The following TANGO6 variants were observed in gnomAD, a reference collection of about 807,000 sequenced individuals.
TANGO6 encodes the protein transport and golgi organization 6 homolog, also known as transport and Golgi organization protein 6 homolog.
A neutral mutation model predicts 114.2 loss-of-function variants in TANGO6; 90 were observed. That is an observed-to-expected ratio of 0.79 (90% CI 0.66 to 0.94). The LOEUF (loss-of-function observed/expected upper bound fraction) is 0.94, where lower values mean the gene tolerates loss of function less well. Ranked by LOEUF, TANGO6 falls within the 40% of genes least tolerant of loss-of-function variation. The pLI is 0.00. For missense variants in TANGO6, 1,274 were observed against 1,315.3 expected (o/e 0.97, Z 0.49); for synonymous variants, 477 against 509.8 (o/e 0.94, Z 0.87).
chr16:69,024,872 G>A (rs1959472971), intron 16 of TANGO6, among the ~76,000 whole-genome samples: 1 of 151,902 alleles, frequency 6.6e-6, no homozygotes, highest in Non-Finnish European at 1.5e-5. Flanking sequence ...CGGTGGTGCA[G>A]TCTCGGCACA....
At chr16:68,934,530 G>A (rs142852355) in intron 14 of TANGO6, among the ~76,000 whole-genome samples, 38 of 152,304 alleles carry the variant, frequency 2.5e-4, no homozygotes, top group Middle Eastern at 3.4e-3. Flanking sequence ...GGTTTCAAGA[G>A]AGAAAGTAAT....
intron 16 of TANGO6, among the ~76,000 whole-genome samples, chr16:69,036,336 G>A (rs532539030): frequency 6.6e-6 from 1 of 152,284 alleles, no homozygotes; most frequent in East Asian, 1.9e-4. Context: ...TGCTTGACCT[G>A]AACTGAAGAC....
intron 17 of TANGO6, among the ~76,000 whole-genome samples, chr16:69,049,583 C>CA (rs1245204016): frequency 2.0e-5 from 3 of 151,240 alleles, no homozygotes; most frequent in Admixed American, 1.3e-4. Context: ...AGGCACTTGC[C>CA]ACCATGCCTG....
At position 68,927,645 on chromosome 16, in the gene TANGO6, G is replaced by A. The variant is rs754292950; in HGVS notation, c.2205G>A (p.Pro735=). ...AGGTATCCAACACATACCCTGATCCGGTCATCCAAGAACTCGCTGTTGATC... is the reference window on the plus strand; with the variant it reads ...AGGTATCCAACACATACCCTGATCCAGTCATCCAAGAACTCGCTGTTGATC... ...LEKVSNTYPD[P]VIQELAVDLR... The change falls in exon 13 of 18, where the codon CCG becomes CCA. Residue 735 remains proline (P), a synonymous_variant. Coordinates refer to ENST00000261778, the MANE Select transcript of TANGO6 (RefSeq NM_024562.2). 26 of 1,613,806 alleles carry A rather than the reference G, an allele frequency of 1.6e-5. No homozygotes were observed. Among genetic ancestry groups the A allele is most frequent in the East Asian group, 4.5e-5 (2 of 44,896 alleles).
intron 4 of TANGO6, among the ~76,000 whole-genome samples, chr16:68,870,827 T>A (rs1478328922): frequency 6.6e-6 from 1 of 151,972 alleles, no homozygotes. Flanking sequence ...AGACGGAATT[T>A]CGCTCTTGTT....
intron 13 of TANGO6, among the ~76,000 whole-genome samples, chr16:68,929,368 A>G (rs1963211728): frequency 6.6e-6 from 1 of 152,112 alleles, no homozygotes; most frequent in Non-Finnish European, 1.5e-5. Context: ...AATGTATCTT[A>G]TCCTCTTTAT....
At chr16:68,980,823 C>A (rs1171352438) in intron 15 of TANGO6, among the ~76,000 whole-genome samples, 2 of 152,056 alleles carry the variant, frequency 1.3e-5, no homozygotes, top group African/African-American at 4.8e-5. Flanking sequence ...CCGTGAAACC[C>A]CGTCTCTGCT....
chr16:69,033,433 G>A (rs1959631819), intron 16 of TANGO6, among the ~76,000 whole-genome samples: 2 of 152,184 alleles, frequency 1.3e-5, no homozygotes, highest in Non-Finnish European at 2.9e-5. Flanking sequence ...GGAAGTCTCA[G>A]TAACTTGTGT....
intron 15 of TANGO6, among the ~76,000 whole-genome samples, chr16:68,987,658 C>T (rs915903464): frequency 6.6e-6 from 1 of 152,240 alleles, no homozygotes; most frequent in Non-Finnish European, 1.5e-5. Flanking sequence ...GCATGAGCCA[C>T]TGCACCCAGC....
intron 17 of TANGO6, among the ~76,000 whole-genome samples, chr16:69,048,524 C>G (rs1230833625): frequency 1.3e-5 from 2 of 151,998 alleles, no homozygotes; most frequent in Non-Finnish European, 2.9e-5. Context: ...CTGCCTTAGC[C>G]TCCCAGGGAT....
intron 15 of TANGO6, among the ~76,000 whole-genome samples, chr16:69,001,462 T>C (rs1220591501): frequency 1.3e-5 from 2 of 152,212 alleles, no homozygotes; most frequent in African/African-American, 2.4e-5. Flanking sequence ...GTTTTATTTT[T>C]CTTTGTGCCT....
chr16:68,999,205 G>A (rs1304387894), intron 15 of TANGO6, among the ~76,000 whole-genome samples: 1 of 152,098 alleles, frequency 6.6e-6, no homozygotes, highest in Non-Finnish European at 1.5e-5. Flanking sequence ...TATAAGCCTT[G>A]AGTCCAGCCA....
chr16:68,982,618 C>T (rs1008101288), intron 15 of TANGO6, among the ~76,000 whole-genome samples: 1 of 134,626 alleles, frequency 7.4e-6, no homozygotes, highest in Non-Finnish European at 1.6e-5. Context: ...GCATGAGCCA[C>T]CATGCCCTGG....
chr16:68,850,009 T>C (rs1279522814), intron 1 of TANGO6, among the ~76,000 whole-genome samples: 1 of 148,012 alleles, frequency 6.8e-6, no homozygotes, highest in East Asian at 2.0e-4. Flanking sequence ...AATCTTGCTC[T>C]GTTGTCCAGG....
intron 9 of TANGO6, among the ~76,000 whole-genome samples, chr16:68,906,462 G>T (rs1962850753): frequency 6.6e-6 from 1 of 151,996 alleles, no homozygotes; most frequent in South Asian, 2.1e-4. Context: ...GCCTTACTTT[G>T]CAGCCTTCTC....
chr16:68,990,643 G>A (rs943428000), intron 15 of TANGO6, among the ~76,000 whole-genome samples: 10 of 152,148 alleles, frequency 6.6e-5, no homozygotes, highest in Non-Finnish European at 1.5e-4. Context: ...CTGGACTCAA[G>A]TGATCCTCCC....
At chr16:69,038,860 T>C (rs899949474) in intron 16 of TANGO6, among the ~76,000 whole-genome samples, 3 of 151,908 alleles carry the variant, frequency 2.0e-5, no homozygotes, top group Non-Finnish European at 4.4e-5. Context: ...CTGGCCAACA[T>C]AGCGAAACTC....
At chr16:69,069,798 C>T (rs1960269132) in intron 17 of TANGO6, among the ~76,000 whole-genome samples, 1 of 152,038 alleles carries the variant, frequency 6.6e-6, no homozygotes, top group Admixed American at 6.6e-5. Flanking sequence ...CTAAATACAA[C>T]TGTTACAAGG....
At chr16:69,002,625 G>A (rs2047565505) in intron 15 of TANGO6, among the ~76,000 whole-genome samples, 1 of 152,080 alleles carries the variant, frequency 6.6e-6, no homozygotes, top group Admixed American at 6.6e-5. Context: ...AGCCTGCAGA[G>A]CCATGAGTCA....
Sources: allele counts gnomAD v4.1 joint callset (sites outside exome capture counted in the v4.1 genomes callset), GRCh38; gene constraint gnomAD v4.1.1; transcripts MANE v1.5; gene names NCBI Gene and HGNC (gene_info 2026-07-23, HGNC 2026-07-21).